Variants in SLC25A48 observed in about 807,000 individuals in gnomAD.
SLC25A48 encodes the protein solute carrier family 25 member 48.
Under a neutral mutation model 32.2 loss-of-function variants are expected in SLC25A48, and 29 were observed. That is an observed-to-expected ratio of 0.90 (90% confidence interval 0.67 to 1.23). The LOEUF (loss-of-function observed/expected upper bound fraction) is 1.23, where lower values mean the gene tolerates loss of function less well. Ranked by LOEUF, SLC25A48 falls within the 50% of genes most tolerant of loss-of-function variation. The pLI is 0.00. For missense variants in SLC25A48, 399 were observed against 422.7 expected, an observed-to-expected ratio of 0.94 and a Z score of 0.49; for synonymous variants, 164 against 172.3, an observed-to-expected ratio of 0.95 and a Z score of 0.38.
intron 7 of SLC25A48, among the ~76,000 whole-genome samples, chr5:135,884,576 A>C (rs1183281751): frequency 6.6e-6 from 1 of 151,852 alleles, no homozygotes. Flanking sequence ...GAGAGGCTCT[A>C]TTGATGGGAG....
At chr5:135,616,604 T>A (rs112067159) in intron 1 of SLC25A48, among the ~76,000 whole-genome samples, 2,100 of 152,304 alleles carry the variant, frequency 0.014, 45 homozygotes, top group African/African-American at 0.047. Context: ...AACTAACTTG[T>A]TTTTGATTTT....
At chr5:135,866,564 T>A (rs960742477) in intron 4 of SLC25A48, among the ~76,000 whole-genome samples, 7 of 152,168 alleles carry the variant, frequency 4.6e-5, no homozygotes, top group Admixed American at 1.3e-4. Context: ...TATTGGTACC[T>A]GTTAGGATTG....
At chr5:135,774,552 G>C (rs1756498615) in intron 3 of SLC25A48, among the ~76,000 whole-genome samples, 1 of 151,744 alleles carries the variant, frequency 6.6e-6, no homozygotes, top group African/African-American at 2.4e-5. Context: ...GGGAGGGAGA[G>C]AATGATATTA....
intron 3 of SLC25A48, among the ~76,000 whole-genome samples, chr5:135,780,160 C>CTTTTTTTTTTTTTTTTT (rs34277772): frequency 2.6e-5 from 1 of 38,796 alleles, no homozygotes; most frequent in African/African-American, 6.0e-5. Flanking sequence ...GTTTCTTCGT[C>CTTTTTTTTTTTTTTTTT]TTTTTTTTTT....
At chr5:135,884,020 TCAGCACAGTGCCGTGG>T (rs1561566156) in intron 7 of SLC25A48, among the ~76,000 whole-genome samples, 1 of 152,182 alleles carries the variant, frequency 6.6e-6, no homozygotes, top group Non-Finnish European at 1.5e-5. Context: ...AGAGTCTTTC[TCAGCACAGTGCCGTGG>T]CAGCCACCAC....
intron 2 of SLC25A48, among the ~76,000 whole-genome samples, chr5:135,633,272 G>C (rs31263): frequency 0.28 from 43,164 of 151,972 alleles, 6,634 homozygotes; most frequent in East Asian, 0.59. Context: ...ACTCATCACA[G>C]ACATTGCTAG....
chr5:135,638,370 A>G (rs1372111286), intron 3 of SLC25A48, among the ~76,000 whole-genome samples: 2 of 150,110 alleles, frequency 1.3e-5, no homozygotes, highest in Non-Finnish European at 1.5e-5. Context: ...CAACAAATCA[A>G]ATCACCTGGG....
chr5:135,639,881 A>C (rs896248733), intron 3 of SLC25A48, among the ~76,000 whole-genome samples: 29 of 152,260 alleles, frequency 1.9e-4, no homozygotes, highest in African/African-American at 6.7e-4. Context: ...CAGTGGGAAC[A>C]GTGTGAGGAA....
chr5:135,619,639 G>T (rs963020280), intron 1 of SLC25A48, among the ~76,000 whole-genome samples: 1 of 152,136 alleles, frequency 6.6e-6, no homozygotes, highest in East Asian at 1.9e-4. Context: ...TTTTGAATTT[G>T]CTTTCATAGG....
intron 3 of SLC25A48, among the ~76,000 whole-genome samples, chr5:135,688,943 C>T (rs115195080): frequency 0.018 from 2,761 of 152,266 alleles, 99 homozygotes; most frequent in African/African-American, 0.063. Context: ...TTCAACTCTT[C>T]ACATATGTTT....
chr5:135,797,373 C>T (rs915693299), intron 3 of SLC25A48, among the ~76,000 whole-genome samples: 4 of 151,824 alleles, frequency 2.6e-5, no homozygotes, highest in East Asian at 1.9e-4. Flanking sequence ...TTTCTAATAT[C>T]GTGAGGGAGA....
intron 3 of SLC25A48, among the ~76,000 whole-genome samples, chr5:135,731,725 T>G (rs985071107): frequency 1.3e-5 from 2 of 152,122 alleles, no homozygotes; most frequent in African/African-American, 4.8e-5. Context: ...GACTAAGAAT[T>G]GGGAGGGCCC....
At chr5:135,871,780 G>A (rs780915760) in intron 5 of SLC25A48, 62 bp downstream of exon 5, 54 of 1,596,112 alleles carry the variant, frequency 3.4e-5, no homozygotes, top group Non-Finnish European at 4.6e-5. Flanking sequence ...GACAGCTGGG[G>A]AACTGCCATG....
intron 3 of SLC25A48, among the ~76,000 whole-genome samples, chr5:135,801,500 CT>C (rs1757326368): frequency 2.0e-5 from 3 of 150,412 alleles, no homozygotes; most frequent in South Asian, 4.2e-4. Context: ...TGTAAACCCC[CT>C]GTGATGTTGT....
intron 2 of SLC25A48, among the ~76,000 whole-genome samples, chr5:135,844,367 G>T (rs1759245321): frequency 6.6e-6 from 1 of 152,156 alleles, no homozygotes; most frequent in South Asian, 2.1e-4. Context: ...AGTGCTGGTT[G>T]TTCCTGGCAA....
chr5:135,767,916 G>A (rs1001853008), intron 3 of SLC25A48, among the ~76,000 whole-genome samples: 5 of 145,644 alleles, frequency 3.4e-5, no homozygotes, highest in East Asian at 2.1e-4. Flanking sequence ...TTCCAATATC[G>A]CTGGGGTGTA....
intron 4 of SLC25A48, among the ~76,000 whole-genome samples, chr5:135,819,869 C>T (rs1173104727): frequency 6.6e-6 from 1 of 151,860 alleles, no homozygotes; most frequent in Non-Finnish European, 1.5e-5. Context: ...CAAATTAAAA[C>T]CAGCGTGGTA....
Position 135,771,170 on chromosome 5 carries a change from C to T in SLC25A48, c.-520-41353C>T, listed in dbSNP as rs185485987. On this transcript the variant is annotated intron_variant, in intron 3 of 10. Transcript: ENST00000646290. The stretch of plus-strand genomic sequence containing the variant: ...GAAAATGATATTAATTTCAATATCG[C>T]GGGTGGTGTACACCCCCCTGTGATA... 6.8e-4 allele frequency among the ~76,000 whole-genome samples: 103 copies of T among 151,058 alleles called. 1 individual carries two copies. The highest frequency in any genetic ancestry group is 2.3e-3 in the African/African-American group (95 of 41,196).
At chr5:135,690,182 T>C (rs1167339252) in intron 3 of SLC25A48, among the ~76,000 whole-genome samples, 1 of 152,212 alleles carries the variant, frequency 6.6e-6, no homozygotes, top group Non-Finnish European at 1.5e-5. Context: ...GCCTCCGTCT[T>C]CTTATCTGCA....
Sources: gnomAD v4.1 joint callset for allele counts (sites outside exome capture counted in the v4.1 genomes callset) on GRCh38, gnomAD v4.1.1 for gene constraint, MANE v1.5 for transcripts, NCBI Gene and HGNC (gene_info 2026-07-23, HGNC 2026-07-21) for gene names.